The following MRPL1 variants were observed in gnomAD, a reference collection of about 807,000 sequenced individuals.
The protein encoded by MRPL1 is mitochondrial ribosomal protein L1.
Under a neutral mutation model 38.0 loss-of-function variants are expected in MRPL1, and 28 were observed. The ratio of observed to expected loss-of-function variants is 0.74; its 90% CI spans 0.55 to 1.01. MRPL1 has a LOEUF of 1.01. Ranked by LOEUF, MRPL1 falls within the 50% of genes least tolerant of loss-of-function variation. The pLI, the probability that MRPL1 is intolerant of heterozygous loss-of-function variation, is 0.00. For missense variants in MRPL1, 358 were observed against 389.8 expected, an observed-to-expected ratio of 0.92 and a Z score of 0.69; for synonymous variants, 123 against 126.7, an observed-to-expected ratio of 0.97 and a Z score of 0.20.
intron 7 of MRPL1, among the ~76,000 whole-genome samples, chr4:77,943,240 G>T (rs530397936): frequency 8.6e-4 from 131 of 152,224 alleles, no homozygotes; most frequent in African/African-American, 3.1e-3. Flanking sequence ...TTTCTGTGGA[G>T]AAATCTGCTG....
chr4:77,896,330 C>T (rs1254309787), intron 6 of MRPL1, among the ~76,000 whole-genome samples: 1 of 152,062 alleles, frequency 6.6e-6, no homozygotes, highest in South Asian at 2.1e-4. Flanking sequence ...CTTCACATAT[C>T]ATGGTCAAGT....
At chr4:77,882,110 G>A (rs55673370) in intron 2 of MRPL1, among the ~76,000 whole-genome samples, 32,855 of 152,064 alleles carry the variant, frequency 0.22, 4,343 homozygotes, top group African/African-American at 0.37. Context: ...CAGTGGCAGC[G>A]TTGAGTCATT....
At chr4:77,935,859 G>A (rs184550902) in intron 7 of MRPL1, among the ~76,000 whole-genome samples, 298 of 150,794 alleles carry the variant, frequency 2.0e-3, no homozygotes, top group Non-Finnish European at 3.2e-3. Flanking sequence ...TTGAACCTGC[G>A]AGGCAGAGGT....
chr4:77,908,945 C>T (rs1221145490), intron 6 of MRPL1, among the ~76,000 whole-genome samples: 1 of 152,158 alleles, frequency 6.6e-6, no homozygotes, highest in Non-Finnish European at 1.5e-5. Flanking sequence ...GCCCTGTGGC[C>T]CTCTCCATAT....
chr4:77,948,161 C>G (rs1389241345), intron 7 of MRPL1, among the ~76,000 whole-genome samples: 1 of 152,084 alleles, frequency 6.6e-6, no homozygotes. Flanking sequence ...GGAAACCTTG[C>G]TTTTTCTTTA....
In MRPL1 at chr4:77,949,778, G is replaced by T. The variant is rs1475860866; in HGVS notation, c.778-19G>T. On this transcript the variant is annotated intron_variant, in intron 7 of 8. Coordinates refer to ENST00000315567, the MANE Select transcript of MRPL1 (RefSeq NM_020236.4). Reference sequence around the variant, plus strand: ...CTTGCTTTCTCATCATTAATGTTATGTATATTATTTTCTTTCAGTTGGATA... The same window carrying T: ...CTTGCTTTCTCATCATTAATGTTATTTATATTATTTTCTTTCAGTTGGATA... 1.4e-6 allele frequency: 2 copies of T among 1,445,548 alleles called. No homozygotes were observed. Among genetic ancestry groups the T allele is most frequent in the Admixed American group, 3.5e-5 (2 of 57,648 alleles). The allele number at this position is 1,445,548 out of a possible 1,614,324, so 89.5% of individuals were successfully genotyped here.
chr4:77,922,045 C>T (rs1041298599), intron 7 of MRPL1, among the ~76,000 whole-genome samples: 6 of 151,332 alleles, frequency 4.0e-5, no homozygotes, highest in African/African-American at 9.7e-5. Flanking sequence ...ATGGGATAGA[C>T]GTGTAGATGG....
Position 77,952,648 on chromosome 4 carries a change from C to T in MRPL1, c.*41C>T, listed in dbSNP as rs1431035201. The T allele has an allele frequency of 7.0e-6, 9 of 1,282,448 alleles. No individual in the cohort carries two copies. Among genetic ancestry groups the T allele is most frequent in the Non-Finnish European group, 9.0e-6 (8 of 889,590 alleles). The allele number at this position is 1,282,448 out of a possible 1,614,324, so 79.4% of individuals were successfully genotyped here. ...AAATTACTTTCAGTGGTTTAAGAAG[C>T]AATGGAGAAAATGATAATACAGCAT... On this transcript the variant is annotated 3_prime_UTR_variant, in exon 9 of 9. Transcript: ENST00000315567.
chr4:77,914,290 T>G (rs898559478), intron 7 of MRPL1, among the ~76,000 whole-genome samples: 2 of 152,042 alleles, frequency 1.3e-5, no homozygotes, highest in African/African-American at 4.8e-5. Context: ...AAAAGTAGAT[T>G]AGTAGTTGCA....
intron 6 of MRPL1, among the ~76,000 whole-genome samples, chr4:77,903,702 A>T (rs1325535049): frequency 6.6e-6 from 1 of 152,242 alleles, no homozygotes; most frequent in Non-Finnish European, 1.5e-5. Flanking sequence ...TAAAGAAATA[A>T]AAATATTTAA....
intron 6 of MRPL1, among the ~76,000 whole-genome samples, chr4:77,900,040 A>T (rs1053093905): frequency 5.9e-5 from 9 of 152,204 alleles, no homozygotes; most frequent in African/African-American, 2.2e-4. Context: ...GAGTTTCATT[A>T]TAACATCCAT....
chr4:77,911,309 C>T (rs1416890363), intron 7 of MRPL1, among the ~76,000 whole-genome samples: 1 of 151,824 alleles, frequency 6.6e-6, no homozygotes, highest in Non-Finnish European at 1.5e-5. Context: ...TATGTAGATC[C>T]TGACTCAGAA....
chr4:77,870,981 A>T (rs1325086180), intron 1 of MRPL1, among the ~76,000 whole-genome samples: 1 of 152,192 alleles, frequency 6.6e-6, no homozygotes, highest in African/African-American at 2.4e-5. Flanking sequence ...TTAATGTCTT[A>T]TTTATTGTAA....
At chr4:77,911,646 T>G (rs558909161) in intron 7 of MRPL1, among the ~76,000 whole-genome samples, 2 of 152,220 alleles carry the variant, frequency 1.3e-5, no homozygotes, top group East Asian at 1.9e-4. Flanking sequence ...GGTAATAATA[T>G]GTACCTTCTA....
At chr4:77,867,337 G>A (rs565166141) in intron 1 of MRPL1, among the ~76,000 whole-genome samples, 2 of 152,272 alleles carry the variant, frequency 1.3e-5, no homozygotes, top group African/African-American at 4.8e-5. Flanking sequence ...TTCATGTGCT[G>A]TAATGCATAA....
At chr4:77,899,858 T>C (rs539134460) in intron 6 of MRPL1, among the ~76,000 whole-genome samples, 1 of 152,256 alleles carries the variant, frequency 6.6e-6, no homozygotes, top group East Asian at 1.9e-4. Context: ...TAAATAGCAG[T>C]AAGGGATAGC....
intron 7 of MRPL1, among the ~76,000 whole-genome samples, chr4:77,916,321 G>A (rs1328417046): frequency 1.3e-5 from 2 of 151,764 alleles, no homozygotes; most frequent in African/African-American, 2.4e-5. Context: ...ATTCACAAAA[G>A]CATATTAAGA....
At chr4:77,907,815 C>T (rs571444765) in intron 6 of MRPL1, among the ~76,000 whole-genome samples, 2 of 152,182 alleles carry the variant, frequency 1.3e-5, no homozygotes, top group East Asian at 1.9e-4. Flanking sequence ...CTGCCCACCA[C>T]GGCCTCCCAA....
chr4:77,894,319 C>CA, intron 6 of MRPL1, 69 bp downstream of exon 6: 1 of 960,976 alleles, frequency 1.0e-6, no homozygotes, highest in Non-Finnish European at 1.6e-6. Flanking sequence ...AGTTAGGAAA[C>CA]AAAGTTGTTC....
Sources: gnomAD v4.1 joint callset for allele counts (sites outside exome capture counted in the v4.1 genomes callset) on GRCh38, gnomAD v4.1.1 for gene constraint, MANE v1.5 for transcripts, NCBI Gene and HGNC (gene_info 2026-07-23, HGNC 2026-07-21) for gene names.